Variants in C12orf42 observed in about 807,000 individuals in gnomAD.
The protein encoded by C12orf42 is chromosome 12 open reading frame 42, also known as uncharacterized protein C12orf42.
C12orf42 carries 25 observed loss-of-function variants against 21.6 expected under a neutral mutation model. That is an observed-to-expected ratio of 1.16 (90% CI 0.84 to 1.62). The LOEUF is 1.62. C12orf42 is among the 40% of genes most tolerant of loss of function. C12orf42 has a pLI of 0.00. For missense variants in C12orf42, 483 were observed against 459.3 expected (o/e 1.05, Z -0.47); for synonymous variants, 174 against 175.0 (o/e 0.99, Z 0.05).
chr12:103,234,436 T>G (rs2136149188), downstream of C12orf42, among the ~76,000 whole-genome samples: 1 of 152,182 alleles, frequency 6.6e-6, no homozygotes, highest in African/African-American at 2.4e-5. Flanking sequence ...GAGGAAAGGG[T>G]TCTTAGTATT....
chr12:103,430,914 G>T (rs1950216695), intron 2 of C12orf42, among the ~76,000 whole-genome samples: 1 of 152,124 alleles, frequency 6.6e-6, no homozygotes. Context: ...GTTGAAAAAT[G>T]AGAACACATG....
chr12:103,263,514 G>A (rs917911510), intron 9 of C12orf42: 1 of 152,072 alleles, frequency 6.6e-6, no homozygotes, highest in African/African-American at 2.4e-5. Flanking sequence ...TGAGGAAGGA[G>A]TACCCATGAG....
intron 2 of C12orf42, among the ~76,000 whole-genome samples, chr12:103,402,438 G>A (rs1014266921): frequency 6.6e-6 from 1 of 152,054 alleles, no homozygotes; most frequent in Non-Finnish European, 1.5e-5. Context: ...ATTTAGTCAT[G>A]CTCCTCAAGG....
intron 4 of C12orf42, among the ~76,000 whole-genome samples, chr12:103,309,595 G>A (rs986777593): frequency 3.3e-5 from 5 of 151,800 alleles, no homozygotes; most frequent in African/African-American, 7.3e-5. Context: ...AAGGTCAATC[G>A]TAATCATTAA....
At chr12:103,359,888 T>C (rs1263132012) in intron 4 of C12orf42, among the ~76,000 whole-genome samples, 1 of 151,754 alleles carries the variant, frequency 6.6e-6, no homozygotes, top group Non-Finnish European at 1.5e-5. Flanking sequence ...AATGAATATG[T>C]AAGCCCTTCC....
chr12:103,306,931 C>T (rs777680616), intron 4 of C12orf42, among the ~76,000 whole-genome samples: 1 of 151,986 alleles, frequency 6.6e-6, no homozygotes, highest in Non-Finnish European at 1.5e-5. Flanking sequence ...GAGGGAAGAC[C>T]CAGGTGAAGA....
At chr12:103,091,864 C>A in the C12orf42 span, among the ~76,000 whole-genome samples, 1 of 152,130 alleles carries the variant, frequency 6.6e-6, no homozygotes, top group African/African-American at 2.4e-5. Flanking sequence ...GTCCTCACCA[C>A]GAGGAAAAGT....
rs199701137 is a variant in C12orf42, at chr12:103,306,222, C to G, written c.383G>C (p.Arg128Pro). The G allele has an allele frequency of 6.2e-7, 1 of 1,613,752 alleles. No individual in the cohort carries two copies. The highest frequency in any genetic ancestry group is 8.5e-7 in the Non-Finnish European group (1 of 1,179,874). ...SFDEESYEEF[R>P]SSPAPSSETD... ...TTCACTGGATGGTGCTGGAGAGGAA[C>G]GGAATTCTTCATAGCTTTCTTCATC... is the stretch of plus-strand genomic sequence containing the variant. The change falls in exon 5 of 6, where the codon CGT (arginine) becomes CCT (proline). Residue 128 changes from arginine to proline, a missense_variant. Transcript: ENST00000548883.
intron 10 of C12orf42, among the ~76,000 whole-genome samples, chr12:103,250,874 CTGTGTG>C (rs3063697): frequency 5.4e-5 from 8 of 149,416 alleles, no homozygotes; most frequent in South Asian, 4.2e-4. Flanking sequence ...TCTTTTATCA[CTGTGTG>C]TGTGTGTGTG....
chr12:103,212,286 AGTTT>A, the C12orf42 span, among the ~76,000 whole-genome samples: 2 of 152,186 alleles, frequency 1.3e-5, no homozygotes, highest in Non-Finnish European at 2.9e-5. Flanking sequence ...TCCTTTTCAC[AGTTT>A]GTTTATTCAA....
At chr12:103,251,752 T>G (rs1318025326) in intron 10 of C12orf42, among the ~76,000 whole-genome samples, 1 of 152,182 alleles carries the variant, frequency 6.6e-6, no homozygotes. Flanking sequence ...CTTTCATATA[T>G]ATCAATTAAT....
intron 4 of C12orf42, among the ~76,000 whole-genome samples, chr12:103,281,957 A>AAGAAAGAAAG (rs1200428797): frequency 3.4e-5 from 5 of 148,942 alleles, no homozygotes; most frequent in African/African-American, 1.3e-4. Context: ...GAAAGAAAGA[A>AAGAAAGAAAG]AGAAAGAGAT....
intron 2 of C12orf42, among the ~76,000 whole-genome samples, chr12:103,449,124 T>C (rs146458890): frequency 1.9e-3 from 281 of 148,940 alleles, no homozygotes; most frequent in Middle Eastern, 3.4e-3. Flanking sequence ...GATAGATAGA[T>C]AGATAGACAG....
intron 4 of C12orf42, among the ~76,000 whole-genome samples, chr12:103,289,096 T>A (rs2036641138): frequency 6.6e-6 from 1 of 152,180 alleles, no homozygotes; most frequent in Admixed American, 6.6e-5. Flanking sequence ...TCTATTATCT[T>A]ATTGCTTTAG....
At chr12:103,079,275 C>G in the C12orf42 span, among the ~76,000 whole-genome samples, 1 of 152,068 alleles carries the variant, frequency 6.6e-6, no homozygotes, top group Non-Finnish European at 1.5e-5. Context: ...GGTCTTGACT[C>G]TGAACAGAGT....
chr12:103,302,695 A>T, intron 5 of C12orf42, 136 bp from the exon 6 acceptor site: 1 of 689,364 alleles, frequency 1.5e-6, no homozygotes, highest in South Asian at 2.4e-5. Context: ...AAAAAAAAAA[A>T]CCCTGACATG....
chr12:103,439,149 A>C lies in C12orf42; in HGVS notation c.79-37474T>G, dbSNP rs374771878. On this transcript the variant is annotated intron_variant, in intron 2 of 5. Coordinates refer to ENST00000548883, the MANE Select transcript of C12orf42 (RefSeq NM_198521.5). ...CTTTGACAAACCTGAGAAAAACAAGAAATGGGGAAAGGATTCCCTATTTAA... is the reference window on the plus strand; with the variant it reads ...CTTTGACAAACCTGAGAAAAACAAGCAATGGGGAAAGGATTCCCTATTTAA... 9.9e-5 allele frequency among the ~76,000 whole-genome samples: 15 copies of C among 151,374 alleles called. No homozygotes were observed. The East Asian group carries it at 1.4e-3, about 14-fold the overall frequency.
At chr12:103,243,756 G>A (rs1451395399) in intron 10 of C12orf42, among the ~76,000 whole-genome samples, 1 of 152,064 alleles carries the variant, frequency 6.6e-6, no homozygotes, top group Non-Finnish European at 1.5e-5. Flanking sequence ...TTTCTCAGCT[G>A]TAGAGGACAA....
chr12:103,461,797 T>C (rs567162545), intron 2 of C12orf42, among the ~76,000 whole-genome samples: 1 of 152,146 alleles, frequency 6.6e-6, no homozygotes, highest in Non-Finnish European at 1.5e-5. Context: ...GAATCTCCAT[T>C]TCTACAACTA....
Sources: allele counts gnomAD v4.1 joint callset (sites outside exome capture counted in the v4.1 genomes callset), GRCh38; gene constraint gnomAD v4.1.1; transcripts MANE v1.5; gene names NCBI Gene and HGNC (gene_info 2026-07-23, HGNC 2026-07-21).